Variants in C12orf54 observed in about 807,000 individuals in gnomAD.
C12orf54 encodes uncharacterized protein C12orf54.
A neutral mutation model predicts 26.4 loss-of-function variants in C12orf54; 24 were observed. The observed-to-expected ratio is 0.91, with a 90% CI of 0.66 to 1.28. The LOEUF (loss-of-function observed/expected upper bound fraction) is 1.28. C12orf54 is among the 50% of genes most tolerant of loss of function. The pLI, the probability that C12orf54 is intolerant of heterozygous loss-of-function variation, is 0.00. For missense variants in C12orf54, 154 were observed against 150.9 expected (o/e 1.02, Z -0.11); for synonymous variants, 54 against 47.0 (o/e 1.15, Z -0.61).
At chr12:48,419,706 A>G in the C12orf54 span, among the ~76,000 whole-genome samples, 2 of 152,144 alleles carry the variant, frequency 1.3e-5, no homozygotes, top group African/African-American at 4.8e-5. Context: ...AGAAGTGATA[A>G]GTGCCCAAGG....
intron 2 of C12orf54, among the ~76,000 whole-genome samples, chr12:48,485,009 T>C (rs2705123): frequency 0.88 from 134,019 of 152,250 alleles, 59,055 homozygotes; most frequent in East Asian, 0.97. Context: ...TCAATGCTAT[T>C]AATGTTCATC....
At chr12:48,460,919 A>G in the C12orf54 span, among the ~76,000 whole-genome samples, 4 of 152,032 alleles carry the variant, frequency 2.6e-5, no homozygotes, top group Non-Finnish European at 5.9e-5. Flanking sequence ...GTGAAATGAG[A>G]GTGAAAAACC....
At chr12:48,431,733 T>C in the C12orf54 span, among the ~76,000 whole-genome samples, 1 of 152,194 alleles carries the variant, frequency 6.6e-6, no homozygotes, top group Non-Finnish European at 1.5e-5. Context: ...AAGCATATTA[T>C]TGATATCAGT....
intron 5 of C12orf54, among the ~76,000 whole-genome samples, chr12:48,490,375 G>C (rs2731100): frequency 0.34 from 51,659 of 152,132 alleles, 9,058 homozygotes; most frequent in African/African-American, 0.36. Flanking sequence ...TGGCCAGGCA[G>C]GGTGGCCAAA....
In C12orf54 at chr12:48,489,040, T is replaced by G. The variant is rs1937724654; in HGVS notation, c.168+84T>G. On this transcript the variant is annotated intron_variant, in intron 5 of 8. Coordinates refer to ENST00000548364, the MANE Select transcript of C12orf54 (RefSeq NM_152319.4). ...TTTTTTTCTTACCCTACTGAGATGT[T>G]GCCTCTGACCAAGGTTTTAGCTTCA... is the stretch of plus-strand genomic sequence containing the variant. 9 of 1,279,780 alleles carry G rather than the reference T, an allele frequency of 7.0e-6. No homozygotes were observed. The South Asian group carries it at 1.1e-4, about 15-fold the overall frequency. 79.3% of individuals were successfully genotyped at this position (1,279,780 alleles called of 1,614,324 possible). A position where few individuals can be genotyped will look rare whatever the true frequency, so the allele number is the denominator to read the frequency against.
At chr12:48,443,108 T>C in the C12orf54 span, among the ~76,000 whole-genome samples, 1 of 152,230 alleles carries the variant, frequency 6.6e-6, no homozygotes, top group Non-Finnish European at 1.5e-5. Context: ...TGTCCCTATA[T>C]TTCCTAAACC....
chr12:48,425,411 TC>T, the C12orf54 span, among the ~76,000 whole-genome samples: 1 of 152,226 alleles, frequency 6.6e-6, no homozygotes, highest in South Asian at 2.1e-4. Flanking sequence ...ATAATCTCGT[TC>T]CTTTTTATGA....
upstream of C12orf54, among the ~76,000 whole-genome samples, chr12:48,481,182 A>G (rs1448041215): frequency 6.8e-6 from 1 of 147,098 alleles, no homozygotes; most frequent in African/African-American, 2.6e-5. Flanking sequence ...TATCCTCTGA[A>G]TCCAAAATAA....
the C12orf54 span, among the ~76,000 whole-genome samples, chr12:48,422,315 A>G: frequency 6.6e-6 from 1 of 152,236 alleles, no homozygotes; most frequent in Non-Finnish European, 1.5e-5. Flanking sequence ...CACCTGCTGG[A>G]TGGAGATGCC....
At chr12:48,494,149 G>A (rs1206366522) in intron 7 of C12orf54, among the ~76,000 whole-genome samples, 1 of 149,536 alleles carries the variant, frequency 6.7e-6, no homozygotes, top group Non-Finnish European at 1.5e-5. Flanking sequence ...AACCCAGGAG[G>A]CAGAGGTTGC....
At chr12:48,419,282 C>T in the C12orf54 span, among the ~76,000 whole-genome samples, 276 of 152,186 alleles carry the variant, frequency 1.8e-3, no homozygotes, top group African/African-American at 6.1e-3. Context: ...GGTCATAAAG[C>T]CCTAGTTCTG....
chr12:48,439,388 T>C, the C12orf54 span, among the ~76,000 whole-genome samples: 6 of 152,290 alleles, frequency 3.9e-5, no homozygotes, highest in African/African-American at 1.4e-4. Context: ...CCCAGTCATC[T>C]CATTACTGGG....
At chr12:48,453,349 T>C in the C12orf54 span, among the ~76,000 whole-genome samples, 1 of 151,240 alleles carries the variant, frequency 6.6e-6, no homozygotes, top group African/African-American at 2.4e-5. Flanking sequence ...GGGTGGGGGA[T>C]GGGAAGAGGG....
intron 6 of C12orf54, 59 bp downstream of exon 6, chr12:48,490,895 A>G: frequency 6.3e-7 from 1 of 1,575,260 alleles, no homozygotes; most frequent in Non-Finnish European, 8.7e-7. Flanking sequence ...TTTGGAATTC[A>G]AGTCTCATTG....
intron 1 of C12orf54, 135 bp from the exon 2 acceptor site, chr12:48,483,105 C>T (rs1954217074): frequency 1.7e-6 from 1 of 580,006 alleles, no homozygotes; most frequent in East Asian, 2.9e-5. Flanking sequence ...TATATGCAAG[C>T]ACACACATGC....
chr12:48,439,117 C>CA, the C12orf54 span, among the ~76,000 whole-genome samples: 1 of 152,170 alleles, frequency 6.6e-6, no homozygotes, highest in African/African-American at 2.4e-5. Flanking sequence ...CAAAAGAAGA[C>CA]ATTTATGCAG....
chr12:48,434,145 C>G, the C12orf54 span, among the ~76,000 whole-genome samples: 3 of 152,134 alleles, frequency 2.0e-5, no homozygotes, highest in Admixed American at 6.5e-5. Flanking sequence ...GGTCCTACAC[C>G]CATGGAGCCT....
At chr12:48,485,459 A>G (rs1954249029) in intron 2 of C12orf54, among the ~76,000 whole-genome samples, 1 of 152,094 alleles carries the variant, frequency 6.6e-6, no homozygotes, top group Admixed American at 6.5e-5. Context: ...GCTTTTTGTA[A>G]TGGCAGGAAC....
the C12orf54 span, among the ~76,000 whole-genome samples, chr12:48,439,592 T>C: frequency 6.6e-6 from 1 of 152,162 alleles, no homozygotes; most frequent in South Asian, 2.1e-4. Flanking sequence ...TTCATGTCCT[T>C]TGTAGGGACA....
Sources: gnomAD v4.1 joint callset for allele counts (sites outside exome capture counted in the v4.1 genomes callset) on GRCh38, gnomAD v4.1.1 for gene constraint, MANE v1.5 for transcripts, NCBI Gene and HGNC (gene_info 2026-07-23, HGNC 2026-07-21) for gene names.